CIDEA: variants seen among roughly 807,000 people sequenced by gnomAD.
CIDEA encodes the protein lipid transferase CIDEA.
A neutral mutation model predicts 18.2 loss-of-function variants in CIDEA; 10 were observed. The ratio of observed to expected loss-of-function variants is 0.55; its 90% CI spans 0.34 to 0.93. CIDEA has a LOEUF of 0.93. Ranked by LOEUF, CIDEA falls within the 40% of genes least tolerant of loss-of-function variation. The pLI is 0.02. For synonymous variants in CIDEA, 128 were observed against 124.8 expected (o/e 1.03, Z -0.17); for missense variants, 309 against 293.1 (o/e 1.05, Z -0.40).
At chr18:12,276,970 C>T (rs889990840) in intron 4 of CIDEA, among the ~76,000 whole-genome samples, 153 bp from the exon 5 acceptor site, 3 of 152,224 alleles carry the variant, frequency 2.0e-5, no homozygotes, top group African/African-American at 4.8e-5. Flanking sequence ...CCCTGGGACA[C>T]GTGCACTCTG....
At chr18:12,269,242 T>TA (rs1459261769) in intron 3 of CIDEA, among the ~76,000 whole-genome samples, 1 of 152,268 alleles carries the variant, frequency 6.6e-6, no homozygotes, top group Non-Finnish European at 1.5e-5. Context: ...AAGATTCTTA[T>TA]ATCTGCTTCT....
intron 4 of CIDEA, among the ~76,000 whole-genome samples, chr18:12,276,680 A>G (rs1420823645): frequency 6.6e-6 from 1 of 152,146 alleles, no homozygotes; most frequent in Non-Finnish European, 1.5e-5. Context: ...GTCACTGCTG[A>G]ATGTCCTGCT....
intron 3 of CIDEA, among the ~76,000 whole-genome samples, chr18:12,273,740 G>T (rs1412658897): frequency 6.6e-6 from 1 of 152,126 alleles, no homozygotes; most frequent in Non-Finnish European, 1.5e-5. Flanking sequence ...AGATTCTTTT[G>T]TCACCAGGTA....
At chr18:12,275,993 C>CT (rs149108439) in intron 4 of CIDEA, among the ~76,000 whole-genome samples, 86,646 of 129,578 alleles carry the variant, frequency 0.67, 31,317 homozygotes, top group Middle Eastern at 0.84. Context: ...TTTTTCTTTT[C>CT]TTATTTTTTT....
chr18:12,254,907 G>A (rs1233074291), intron 1 of CIDEA: 10 of 1,265,578 alleles, frequency 7.9e-6, no homozygotes, highest in Admixed American at 5.4e-5. Context: ...CTGGAAGCGC[G>A]GGCTCTGGTC....
chr18:12,268,146 C>G (rs1362241368), intron 3 of CIDEA, among the ~76,000 whole-genome samples: 1 of 151,350 alleles, frequency 6.6e-6, no homozygotes, highest in Non-Finnish European at 1.5e-5. Flanking sequence ...CTCACTGCAA[C>G]CTATGCCTCC....
At chr18:12,277,038 G>A (rs1029453164) in intron 4 of CIDEA, 85 bp from the exon 5 acceptor site, 35 of 1,475,724 alleles carry the variant, frequency 2.4e-5, no homozygotes, top group Non-Finnish European at 3.1e-5. Context: ...GCCTTTTGGT[G>A]GGGGGAGTGA....
At chr18:12,268,849 G>A (rs1163934925) in intron 3 of CIDEA, among the ~76,000 whole-genome samples, 1 of 145,754 alleles carries the variant, frequency 6.9e-6, no homozygotes, top group Admixed American at 6.8e-5. Flanking sequence ...TTTTTTAGAT[G>A]GAGTCTCGCT....
intron 1 of CIDEA, 54 bp downstream of exon 1, chr18:12,254,475 G>T (rs779269760): frequency 1.9e-6 from 3 of 1,579,496 alleles, no homozygotes; most frequent in Admixed American, 1.8e-5. Context: ...CCTTGCGTTC[G>T]GTGGCCTCAT....
intron 1 of CIDEA, chr18:12,254,787 G>A: frequency 1.5e-6 from 2 of 1,357,088 alleles, no homozygotes; most frequent in African/African-American, 1.5e-5. Context: ...AGAGGGTCCG[G>A]TCCCAGGAAC....
At chr18:12,270,590 G>A (rs1052963073) in intron 3 of CIDEA, among the ~76,000 whole-genome samples, 2 of 150,058 alleles carry the variant, frequency 1.3e-5, no homozygotes, top group East Asian at 4.0e-4. Flanking sequence ...TTGGGAGGTT[G>A]AGGCAGATAA....
chr18:12,263,091 G>T (rs1038289197), intron 2 of CIDEA, 122 bp downstream of exon 2: 1 of 930,532 alleles, frequency 1.1e-6, no homozygotes, highest in South Asian at 2.1e-5. Context: ...GCATCTCACT[G>T]GGGGGAAACG....
At chr18:12,271,191 G>C (rs899176985) in intron 3 of CIDEA, among the ~76,000 whole-genome samples, 2 of 152,130 alleles carry the variant, frequency 1.3e-5, no homozygotes, top group Non-Finnish European at 2.9e-5. Flanking sequence ...GAGCCCAGGC[G>C]GCCGGACAGA....
At position 12,263,908 on chromosome 18, in the gene CIDEA, C is replaced by T. The variant is rs151014702; in HGVS notation, c.184-399C>T. 395 of 156,126 alleles carry T rather than the reference C, an allele frequency of 2.5e-3. 2 individuals carry two copies. The Middle Eastern group carries it at 0.048, about 19-fold the overall frequency. The allele number at this position is 156,126 out of a possible 1,614,324, so 9.7% of individuals were successfully genotyped here. On this transcript the variant is annotated intron_variant, in intron 2 of 4. Coordinates refer to ENST00000320477, the MANE Select transcript of CIDEA (RefSeq NM_001279.4). Reference sequence around the variant, plus strand: ...CAAATATTATTTAATGTAATCATTACCTCATGTATCTTAAGAAGACAGATC... The same window carrying T: ...CAAATATTATTTAATGTAATCATTATCTCATGTATCTTAAGAAGACAGATC...
intron 1 of CIDEA, chr18:12,255,065 C>A (rs1416954317): frequency 5.3e-6 from 3 of 570,416 alleles, no homozygotes; most frequent in Admixed American, 7.6e-5. Flanking sequence ...GGAGTCTTCC[C>A]TGCGCTTCGC....
intron 4 of CIDEA, among the ~76,000 whole-genome samples, chr18:12,276,696 C>CT (rs1249866161): frequency 9.9e-5 from 15 of 152,174 alleles, no homozygotes; most frequent in African/African-American, 3.6e-4. Context: ...CTGCTACTAC[C>CT]TTAGGAAGGG....
chr18:12,258,678 T>C (rs1912106365), intron 1 of CIDEA, among the ~76,000 whole-genome samples: 1 of 152,232 alleles, frequency 6.6e-6, no homozygotes, highest in Non-Finnish European at 1.5e-5. Flanking sequence ...AAGCCGGAGC[T>C]GGATTCAGAC....
intron 3 of CIDEA, among the ~76,000 whole-genome samples, chr18:12,269,109 C>T (rs1447231140): frequency 2.6e-5 from 4 of 152,154 alleles, no homozygotes; most frequent in South Asian, 2.1e-4. Context: ...CGAGCCACCA[C>T]GACCAGCCAC....
At chr18:12,261,294 G>A (rs1383985678) in intron 1 of CIDEA, among the ~76,000 whole-genome samples, 1 of 152,154 alleles carries the variant, frequency 6.6e-6, no homozygotes, top group Non-Finnish European at 1.5e-5. Context: ...TGAGGCAGGA[G>A]AATTGCTTGA....
Sources: allele counts gnomAD v4.1 joint callset (sites outside exome capture counted in the v4.1 genomes callset), GRCh38; gene constraint gnomAD v4.1.1; transcripts MANE v1.5; gene names NCBI Gene and HGNC (gene_info 2026-07-23, HGNC 2026-07-21).